NASP: variants seen among roughly 807,000 people sequenced by gnomAD.
NASP encodes NASP histone chaperone.
Under a neutral mutation model 89.5 loss-of-function variants are expected in NASP, and 24 were observed. The ratio of observed to expected loss-of-function variants is 0.27; its 90% CI spans 0.19 to 0.38. NASP has a LOEUF of 0.38. Among genes scored for constraint, NASP ranks in the 10% least tolerant of loss-of-function variants. The pLI is 1.00. For missense variants in NASP, 848 were observed against 921.4 expected (o/e 0.92, Z 1.03); for synonymous variants, 306 against 324.7 (o/e 0.94, Z 0.62).
intron 3 of NASP, 87 bp from the exon 4 acceptor site, chr1:45,604,849 G>A (rs1643888992): frequency 8.7e-6 from 9 of 1,039,182 alleles, no homozygotes; most frequent in Non-Finnish European, 1.3e-5. Context: ...TGTTACTGGA[G>A]AAATATCAAT....
chr1:45,605,872 G>A (rs1643902050), intron 4 of NASP: 2 of 151,722 alleles, frequency 1.3e-5, no homozygotes, highest in South Asian at 4.2e-4. Context: ...TGCCTCCCCG[G>A]TTTGAGCGAT....
chr1:45,600,713 T>C (rs1643819604), intron 2 of NASP, among the ~76,000 whole-genome samples: 2 of 152,318 alleles, frequency 1.3e-5, no homozygotes, highest in South Asian at 4.1e-4. Context: ...AGGAGTAGAA[T>C]GGCTAGATCA....
intron 1 of NASP, among the ~76,000 whole-genome samples, chr1:45,587,211 G>C (rs1219165277): frequency 6.6e-6 from 1 of 150,584 alleles, no homozygotes; most frequent in African/African-American, 2.5e-5. Flanking sequence ...TTTTTTTTGA[G>C]AGGGAGTTTT....
rs779860709 is a variant in NASP at position 45,615,390 on chromosome 1, C to T, written c.1941C>T (p.Pro647=). The T allele has an allele frequency of 1.9e-5, 31 of 1,613,946 alleles. No homozygotes were observed. The highest frequency in any genetic ancestry group is 2.7e-5 in the African/African-American group (2 of 74,884). The change falls in exon 11 of 15, where the codon CCC becomes CCT. Residue 647 remains proline, a synonymous_variant. Coordinates refer to ENST00000350030, the MANE Select transcript of NASP (RefSeq NM_002482.4). The part of the protein sequence containing the change: ...KEIEELKELL[P]EIREKIEDAK... ...TTGAGGAACTAAAGGAACTGCTACC[C>T]GAAATTAGAGAGAAGATAGAAGATG...
chr1:45,603,828 C>T (rs944857014), intron 3 of NASP, among the ~76,000 whole-genome samples: 2 of 152,192 alleles, frequency 1.3e-5, no homozygotes, highest in African/African-American at 4.8e-5. Flanking sequence ...AGGCTGGTCT[C>T]GAACGCCCGA....
chr1:45,616,085 G>A (rs1440547807), intron 11 of NASP, among the ~76,000 whole-genome samples: 1 of 152,162 alleles, frequency 6.6e-6, no homozygotes, highest in Admixed American at 6.5e-5. Flanking sequence ...TTCTGTTTTT[G>A]GCACAGACCT....
intron 2 of NASP, among the ~76,000 whole-genome samples, chr1:45,596,204 C>A (rs1043441133): frequency 7.9e-5 from 12 of 152,198 alleles, no homozygotes; most frequent in Non-Finnish European, 1.5e-4. Flanking sequence ...AATACTTTGA[C>A]TGTTCTGATG....
intron 2 of NASP, among the ~76,000 whole-genome samples, chr1:45,600,083 C>T (rs967287693): frequency 2.6e-5 from 4 of 151,150 alleles, no homozygotes; most frequent in Non-Finnish European, 5.9e-5. Flanking sequence ...ATATCAGGTA[C>T]CCAAGTATTG....
At chr1:45,609,705 C>G (rs900370177) in intron 6 of NASP, 1 of 152,190 alleles carries the variant, frequency 6.6e-6, no homozygotes, top group Non-Finnish European at 1.5e-5. Flanking sequence ...TCATACATTA[C>G]ATCTGATCCT....
chr1:45,605,102 G>A (rs1396122745), intron 4 of NASP, 86 bp downstream of exon 4: 1 of 1,059,330 alleles, frequency 9.4e-7, no homozygotes, highest in Non-Finnish European at 1.5e-6. Context: ...AGCAAGATTG[G>A]TTTTACCTAG....
chr1:45,593,906 G>A (rs1182877127), intron 2 of NASP, among the ~76,000 whole-genome samples: 2 of 151,552 alleles, frequency 1.3e-5, no homozygotes, highest in African/African-American at 4.9e-5. Flanking sequence ...GCACTTGCGT[G>A]TGGTCCCAGA....
chr1:45,596,023 G>A (rs778502612), intron 2 of NASP, among the ~76,000 whole-genome samples: 1 of 152,158 alleles, frequency 6.6e-6, no homozygotes, highest in Non-Finnish European at 1.5e-5. Context: ...CTTTTATTTA[G>A]ACTTGATACT....
In NASP at chr1:45,616,347, C is replaced by G; in HGVS notation, c.2033C>G (p.Ser678Cys). 6.2e-7 allele frequency: 1 copy of G among 1,614,182 alleles called. No homozygotes were observed. The change falls in exon 12 of 15, where the codon TCT becomes TGT. Residue 678 changes from serine (S) to cysteine (C), a missense_variant. Coordinates refer to ENST00000350030, the MANE Select transcript of NASP (RefSeq NM_002482.4). Reference sequence around the variant, plus strand: ...TGTCATTTCTCGCAGGTGGAGAGTTCTACTTCAGGTTTCACTCCTGGTGGA... The same window carrying G: ...TGTCATTTCTCGCAGGTGGAGAGTTGTACTTCAGGTTTCACTCCTGGTGGA... ...LALKATLVES[S>C]TSGFTPGGGG...
At chr1:45,613,389 TC>T in intron 7 of NASP, 141 bp downstream of exon 7, 1 of 926,066 alleles carries the variant, frequency 1.1e-6, no homozygotes, top group Non-Finnish European at 1.5e-6. Context: ...GCTTAAGTGA[TC>T]GCCTCACCTC....
At chr1:45,591,370 A>T in intron 2 of NASP, 100 bp downstream of exon 2, 3 of 865,950 alleles carry the variant, frequency 3.5e-6, no homozygotes, top group Middle Eastern at 3.6e-4. Flanking sequence ...TTTATTTTTG[A>T]TAGAGGCAAG....
chr1:45,603,665 G>T (rs990776573), intron 3 of NASP, among the ~76,000 whole-genome samples: 1 of 146,288 alleles, frequency 6.8e-6, no homozygotes, highest in Non-Finnish European at 1.5e-5. Flanking sequence ...GCTGGAGTGC[G>T]ATGGCGCGAT....
intron 3 of NASP, among the ~76,000 whole-genome samples, chr1:45,603,500 T>G (rs1462383551): frequency 6.6e-6 from 1 of 152,124 alleles, no homozygotes; most frequent in Non-Finnish European, 1.5e-5. Context: ...CTCCTGGATA[T>G]CTGCAAAAAT....
chr1:45,604,881 T>C, intron 3 of NASP, 55 bp from the exon 4 acceptor site: 1 of 1,316,994 alleles, frequency 7.6e-7, no homozygotes, highest in Non-Finnish European at 1.1e-6. Context: ...GAACTAGAAC[T>C]AAATGTTTTA....
chr1:45,616,568 G>A, intron 12 of NASP, 58 bp from the exon 13 acceptor site: 2 of 1,563,708 alleles, frequency 1.3e-6, no homozygotes, highest in Non-Finnish European at 1.8e-6. Context: ...AATTATAAAA[G>A]CCTCAGCATT....
Sources: gnomAD v4.1 joint callset for allele counts (sites outside exome capture counted in the v4.1 genomes callset) on GRCh38, gnomAD v4.1.1 for gene constraint, MANE v1.5 for transcripts, NCBI Gene and HGNC (gene_info 2026-07-23, HGNC 2026-07-21) for gene names.